Variants in AGPS observed in about 807,000 individuals in gnomAD.
AGPS encodes alkylglycerone phosphate synthase, also known as alkyldihydroxyacetonephosphate synthase, peroxisomal.
In AGPS, 26 loss-of-function variants were observed where a neutral mutation model predicts 90.7. The observed-to-expected ratio is 0.29, with a 90% CI of 0.21 to 0.40. The LOEUF (loss-of-function observed/expected upper bound fraction) is 0.40, where lower values mean the gene tolerates loss of function less well. Ranked by LOEUF, AGPS falls within the 10% of genes least tolerant of loss-of-function variation. The pLI is 1.00. For missense variants in AGPS, 540 were observed against 816.1 expected (o/e 0.66, Z 4.12); for synonymous variants, 294 against 285.3 (o/e 1.03, Z -0.31).
At chr2:177,436,168 T>G (rs1686405264) in intron 3 of AGPS, among the ~76,000 whole-genome samples, 1 of 84,398 alleles carries the variant, frequency 1.2e-5, no homozygotes, top group Admixed American at 1.3e-4. Context: ...TGCGACAGAG[T>G]CTCGCTCTGT....
chr2:177,482,958 G>A (rs1401293536), intron 11 of AGPS, among the ~76,000 whole-genome samples: 1 of 152,086 alleles, frequency 6.6e-6, no homozygotes, highest in East Asian at 1.9e-4. Flanking sequence ...TCAAGGGAAT[G>A]TACTCTAGCC....
chr2:177,514,056 G>A, intron 17 of AGPS, 148 bp downstream of exon 17: 1 of 659,938 alleles, frequency 1.5e-6, no homozygotes, highest in Non-Finnish European at 2.7e-6. Context: ...CACCTTGTTA[G>A]GATTGTGCCA....
chr2:177,534,801 G>T (rs956893234), intron 19 of AGPS, among the ~76,000 whole-genome samples: 13 of 118,114 alleles, frequency 1.1e-4, no homozygotes, highest in African/African-American at 4.1e-4. Context: ...GTCTCACTAT[G>T]TTACCCAGGC....
chr2:177,513,872 A>C lies in AGPS; in HGVS notation c.1661A>C (p.Glu554Ala). 1.2e-6 allele frequency: 2 copies of C among 1,613,796 alleles called. No homozygotes were observed. The highest frequency in any genetic ancestry group is 1.7e-6 in the Non-Finnish European group (2 of 1,179,738). Residue 554 changes from glutamate to alanine, a missense_variant, in exon 17 of 20, where the codon GAG becomes GCG. Physicochemically the swap from Glu to Ala is moderately radical, Grantham distance 107. Coordinates refer to ENST00000264167, the MANE Select transcript of AGPS (RefSeq NM_003659.4). ...GAAAGAATAACAAGGGAATGCAAAGAGAAGGGTGTTCAGTTTGCTCCTTTT... is the reference window on the plus strand; with the variant it reads ...GAAAGAATAACAAGGGAATGCAAAGCGAAGGGTGTTCAGTTTGCTCCTTTT... ...VKERITRECK[E>A]KGVQFAPFST...
intron 5 of AGPS, among the ~76,000 whole-genome samples, chr2:177,437,988 T>C (rs1002971251): frequency 7.9e-5 from 12 of 152,240 alleles, no homozygotes; most frequent in African/African-American, 2.9e-4. Context: ...TCATCTCTAT[T>C]AGTTTAGTAT....
chr2:177,417,827 A>G (rs1186469657), intron 1 of AGPS, among the ~76,000 whole-genome samples: 5 of 152,200 alleles, frequency 3.3e-5, no homozygotes, highest in Admixed American at 1.3e-4. Flanking sequence ...ATAAGAAGTT[A>G]TTAAAAAATT....
intron 1 of AGPS, among the ~76,000 whole-genome samples, chr2:177,409,579 G>A (rs111517395): frequency 0.11 from 17,068 of 151,958 alleles, 1,225 homozygotes; most frequent in East Asian, 0.34. Context: ...TCTCAGTCTC[G>A]GCTCTCAACA....
At chr2:177,421,658 G>A (rs1685945702) in intron 2 of AGPS, among the ~76,000 whole-genome samples, 1 of 152,006 alleles carries the variant, frequency 6.6e-6, no homozygotes, top group South Asian at 2.1e-4. Flanking sequence ...TCAGGTAGAA[G>A]GGATTTCTGG....
At chr2:177,451,362 T>G in intron 8 of AGPS, among the ~76,000 whole-genome samples, 1 of 152,316 alleles carries the variant, frequency 6.6e-6, no homozygotes, top group Middle Eastern at 3.4e-3. Flanking sequence ...TCTTTAATAG[T>G]GTATAAAAAT....
At chr2:177,532,879 C>CA (rs1404571877) in intron 19 of AGPS, among the ~76,000 whole-genome samples, 1 of 152,102 alleles carries the variant, frequency 6.6e-6, no homozygotes, top group Non-Finnish European at 1.5e-5. Flanking sequence ...AAATCCATCC[C>CA]AAAAGGTTAC....
At chr2:177,411,211 G>A (rs1480139204) in intron 1 of AGPS, among the ~76,000 whole-genome samples, 2 of 152,160 alleles carry the variant, frequency 1.3e-5, no homozygotes, top group Non-Finnish European at 2.9e-5. Context: ...TTTTTCTAAT[G>A]TCTGCAACTG....
chr2:177,467,585 G>A (rs965781898), intron 9 of AGPS, among the ~76,000 whole-genome samples: 5 of 151,978 alleles, frequency 3.3e-5, no homozygotes, highest in Admixed American at 1.3e-4. Flanking sequence ...TTTACTGGAC[G>A]TCTTATTTAT....
intron 13 of AGPS, among the ~76,000 whole-genome samples, chr2:177,498,695 T>C (rs1374437): frequency 0.64 from 96,548 of 151,256 alleles, 32,821 homozygotes; most frequent in Admixed American, 0.74. Flanking sequence ...AAGATCTAAA[T>C]TAATCTTCAC....
At chr2:177,408,960 G>C (rs1685543360) in intron 1 of AGPS, among the ~76,000 whole-genome samples, 1 of 152,266 alleles carries the variant, frequency 6.6e-6, no homozygotes, top group South Asian at 2.1e-4. Context: ...TGGCATCCAA[G>C]GACTCTGCTT....
chr2:177,483,558 A>G (rs1240237168), intron 11 of AGPS, among the ~76,000 whole-genome samples: 1 of 152,190 alleles, frequency 6.6e-6, no homozygotes, highest in East Asian at 1.9e-4. Flanking sequence ...GTCCTGGAAT[A>G]AGCATTCTTG....
At chr2:177,511,096 TTTGTTGTTG>T (rs575575386) in intron 16 of AGPS, among the ~76,000 whole-genome samples, 3 of 151,968 alleles carry the variant, frequency 2.0e-5, no homozygotes, top group Admixed American at 1.3e-4. Flanking sequence ...ATATACATTT[TTTGTTGTTG>T]TTGTTGTTGT....
chr2:177,515,363 T>C (rs1688992291), intron 17 of AGPS, among the ~76,000 whole-genome samples: 1 of 152,170 alleles, frequency 6.6e-6, no homozygotes, highest in South Asian at 2.1e-4. Context: ...TTTGTTACCA[T>C]TAGATTTTGA....
intron 1 of AGPS, among the ~76,000 whole-genome samples, chr2:177,408,606 G>A (rs553966411): frequency 5.3e-5 from 8 of 152,060 alleles, no homozygotes; most frequent in Non-Finnish European, 8.8e-5. Flanking sequence ...TCTCCCACAT[G>A]GTGAGTGCTG....
At chr2:177,495,542 T>C (rs1321885848) in intron 12 of AGPS, among the ~76,000 whole-genome samples, 1 of 152,114 alleles carries the variant, frequency 6.6e-6, no homozygotes, top group Non-Finnish European at 1.5e-5. Context: ...ACGATTAACA[T>C]TGAAATAACA....
Sources: gnomAD v4.1 joint callset for allele counts (sites outside exome capture counted in the v4.1 genomes callset) on GRCh38, gnomAD v4.1.1 for gene constraint, MANE v1.5 for transcripts, NCBI Gene and HGNC (gene_info 2026-07-23, HGNC 2026-07-21) for gene names.